The following CIROZ variants were observed in gnomAD, a reference collection of about 807,000 sequenced individuals.
CIROZ encodes the protein ciliated left-right organizer protein containing ZP-N domains.
At chr1:10,949,819 C>G in the CIROZ span, 1 of 1,543,186 alleles carries the variant, frequency 6.5e-7, no homozygotes, top group East Asian at 2.4e-5. Flanking sequence ...CTGAACCTTC[C>G]AGAGAGAAGA....
chr1:10,957,781 C>CTT, the CIROZ span: 2 of 1,603,128 alleles, frequency 1.2e-6, no homozygotes, highest in African/African-American at 2.7e-5. Flanking sequence ...GATCACAAAC[C>CTT]ATGTGGCCAG....
At chr1:10,979,568 T>TTCC in the CIROZ span, among the ~76,000 whole-genome samples, 5 of 150,556 alleles carry the variant, frequency 3.3e-5, no homozygotes, top group East Asian at 9.7e-4. Flanking sequence ...TCCTCCACCC[T>TTCC]TCGACCCAGC....
chr1:10,966,866 C>T, the CIROZ span, among the ~76,000 whole-genome samples: 10 of 151,912 alleles, frequency 6.6e-5, no homozygotes, highest in African/African-American at 9.7e-5. Context: ...TCTTCATTGC[C>T]GGCCAGGCAC....
At chr1:10,948,425 A>G in the CIROZ span, 4 of 1,613,310 alleles carry the variant, frequency 2.5e-6, no homozygotes, top group Non-Finnish European at 3.4e-6. Context: ...GTGCAGCCAC[A>G]TCCCCGCTTG....
At chr1:10,956,193 T>C in the CIROZ span, among the ~76,000 whole-genome samples, 2 of 152,224 alleles carry the variant, frequency 1.3e-5, no homozygotes, top group African/African-American at 2.4e-5. Flanking sequence ...ACCGAGTTCT[T>C]TGAATTTAAA....
chr1:10,953,750 T>C, the CIROZ span, among the ~76,000 whole-genome samples: 3 of 152,254 alleles, frequency 2.0e-5, no homozygotes, highest in African/African-American at 4.8e-5. Context: ...GGTTAGGAAA[T>C]GGATGCACCC....
chr1:10,974,956 C>T, the CIROZ span, among the ~76,000 whole-genome samples: 4 of 151,964 alleles, frequency 2.6e-5, no homozygotes, highest in African/African-American at 4.8e-5. This position sits in a 1 kb window ranked among gnomAD's most constrained non-coding sequence, Gnocchi z 4.4. Context: ...CAAAAATAGC[C>T]CCCCCTTCAC....
At chr1:10,948,506 A>G in the CIROZ span, 1 of 1,614,030 alleles carries the variant, frequency 6.2e-7, no homozygotes, top group South Asian at 1.1e-5. Context: ...CAGTTCCTAG[A>G]CCTTCAGTCA....
At chr1:10,950,422 T>C in the CIROZ span, among the ~76,000 whole-genome samples, 3 of 152,146 alleles carry the variant, frequency 2.0e-5, no homozygotes, top group Non-Finnish European at 4.4e-5. Context: ...TGCCACCAGA[T>C]GGTTTCGTCT....
chr1:10,980,671 C>T, the CIROZ span, among the ~76,000 whole-genome samples: 2 of 152,202 alleles, frequency 1.3e-5, no homozygotes, highest in Non-Finnish European at 2.9e-5. Flanking sequence ...GGAATCGGCC[C>T]GGTGGCAGGT....
the CIROZ span, chr1:10,958,752 C>T: frequency 1.9e-6 from 3 of 1,613,862 alleles, no homozygotes; most frequent in African/African-American, 4.0e-5. Context: ...GGCCGGGAGA[C>T]CTGCAGAGAC....
chr1:10,970,454 T>G, the CIROZ span, among the ~76,000 whole-genome samples: 3 of 151,536 alleles, frequency 2.0e-5, no homozygotes, highest in Non-Finnish European at 4.4e-5. Context: ...ACGGTGAAAC[T>G]CCGTCTCTAC....
At chr1:10,981,837 G>A in the CIROZ span, among the ~76,000 whole-genome samples, 1 of 152,192 alleles carries the variant, frequency 6.6e-6, no homozygotes, top group Admixed American at 6.6e-5. Context: ...CCTCACCTGA[G>A]AAAGTCAGCC....
the CIROZ span, chr1:10,976,102 C>T: frequency 1.4e-6 from 2 of 1,462,824 alleles, no homozygotes; most frequent in African/African-American, 2.8e-5. Context: ...TCAGTCTGCT[C>T]ATTGGGGAAA....
At chr1:10,948,322 C>G in the CIROZ span, 6 of 1,613,624 alleles carry the variant, frequency 3.7e-6, no homozygotes, top group Non-Finnish European at 5.1e-6. Context: ...CGGTGAGAAA[C>G]CAGCTCCTCT....
At chr1:10,957,570 C>T in the CIROZ span, 1 of 1,607,826 alleles carries the variant, frequency 6.2e-7, no homozygotes, top group Non-Finnish European at 8.5e-7. Context: ...GTGCTATGCC[C>T]CAGAGGCCCC....
the CIROZ span, among the ~76,000 whole-genome samples, chr1:10,979,934 C>CGAGT: frequency 6.6e-6 from 1 of 152,160 alleles, no homozygotes; most frequent in East Asian, 1.9e-4. Context: ...GTAATCCCAG[C>CGAGT]TACTCAGGAG....
chr1:10,976,014 G>A, the CIROZ span: 1 of 664,832 alleles, frequency 1.5e-6, no homozygotes, highest in Non-Finnish European at 2.6e-6. Flanking sequence ...ATGACAGCCT[G>A]AAATCCACGC....
chr1:10,958,900 A>G, the CIROZ span: 3 of 724,734 alleles, frequency 4.1e-6, no homozygotes, highest in South Asian at 3.6e-5. Flanking sequence ...TCATTAAGAC[A>G]AGAAAATCAT....
Sources: gnomAD v4.1 joint callset for allele counts (sites outside exome capture counted in the v4.1 genomes callset) on GRCh38, gnomAD v4.1.1 for gene constraint, Gnocchi (gnomAD v3.1) non-coding constraint, MANE v1.5 for transcripts, NCBI Gene and HGNC (gene_info 2026-07-23, HGNC 2026-07-21) for gene names.